TCERG1L: variants seen among roughly 807,000 people sequenced by gnomAD.
The protein encoded by TCERG1L is transcription elongation regulator 1-like protein.
TCERG1L carries 37 observed loss-of-function variants against 56.3 expected under a neutral mutation model. The ratio of observed to expected loss-of-function variants is 0.66; its 90% confidence interval spans 0.51 to 0.87. The LOEUF (loss-of-function observed/expected upper bound fraction) is 0.87, where lower values mean the gene tolerates loss of function less well. TCERG1L is among the 40% of genes least tolerant of loss of function. TCERG1L has a pLI of 0.00. For synonymous variants in TCERG1L, 324 were observed against 326.3 expected, an observed-to-expected ratio of 0.99 and a Z score of 0.08; for missense variants, 799 against 774.2, an observed-to-expected ratio of 1.03 and a Z score of -0.38.
chr10:131,289,149 T>TA (rs1245630907), intron 3 of TCERG1L, among the ~76,000 whole-genome samples: 13 of 151,966 alleles, frequency 8.6e-5, no homozygotes, highest in Admixed American at 8.5e-4. Flanking sequence ...TCTTGATTTT[T>TA]TTTTTTTTTA....
intron 5 of TCERG1L, among the ~76,000 whole-genome samples, chr10:131,166,204 G>C (rs1233353511): frequency 6.6e-6 from 1 of 152,224 alleles, no homozygotes; most frequent in East Asian, 1.9e-4. Flanking sequence ...CCTTGGAAAG[G>C]TGAAGTAAGA....
intron 11 of TCERG1L, among the ~76,000 whole-genome samples, chr10:131,093,568 C>CG (rs1158911124): frequency 6.6e-6 from 1 of 152,120 alleles, no homozygotes; most frequent in Admixed American, 6.5e-5. Flanking sequence ...CGGAAATGAG[C>CG]GGCCCCCACC....
chr10:131,133,971 C>T (rs574814689), intron 8 of TCERG1L, among the ~76,000 whole-genome samples: 3 of 152,284 alleles, frequency 2.0e-5, no homozygotes, highest in Admixed American at 1.3e-4. Flanking sequence ...TGACTTTGCC[C>T]AAAGTCATCC....
rs1029336200 is a variant in TCERG1L at position 131,112,420 on chromosome 10, C to T, written c.1395+4379G>A. ...GTCCCCCAGGCCCCCACTGTGCCTC[C>T]CACAAGCCCTAATGATGATGCCAGC... On this transcript the variant is annotated intron_variant, in intron 9 of 11. Transcript: ENST00000368642. Among the ~76,000 whole-genome samples, 3 of 142,590 alleles carry T rather than the reference C, an allele frequency of 2.1e-5. 1 individual carries two copies. Among genetic ancestry groups the T allele is most frequent in the African/African-American group, 4.9e-5 (2 of 40,464 alleles). 93.5% of individuals were successfully genotyped at this position (142,590 alleles called of 152,430 possible). A position where few individuals can be genotyped will look rare whatever the true frequency, so the allele number is the denominator to read the frequency against.
chr10:131,134,855 C>T (rs1274650168), intron 7 of TCERG1L, among the ~76,000 whole-genome samples: 2 of 152,158 alleles, frequency 1.3e-5, no homozygotes, highest in African/African-American at 4.8e-5. Context: ...AGGGTGGCCC[C>T]CAGCAGCACC....
intron 3 of TCERG1L, among the ~76,000 whole-genome samples, chr10:131,289,454 C>T (rs1012077513): frequency 3.4e-4 from 52 of 151,794 alleles, no homozygotes; most frequent in Non-Finnish European, 6.8e-4. Context: ...TACACTGCCT[C>T]CATCTCTTAT....
chr10:131,177,147 C>T (rs57512732), intron 4 of TCERG1L, among the ~76,000 whole-genome samples: 16,255 of 145,616 alleles, frequency 0.11, 1,615 homozygotes, highest in African/African-American at 0.27. Flanking sequence ...CACACAGACA[C>T]GTGTACACAC....
Position 131,260,262 on chromosome 10 carries a change from A to T in TCERG1L, c.853T>A (p.Ser285Thr). ...IKIPLRTSPV[S>T]DTRTERGRVA... ...CGGGACGGCGCTCCGAGCCTACCTG[A>T]GACGGGGGACGTCCGGAGGGGTATT... is the stretch of plus-strand genomic sequence containing the variant. Residue 285 changes from serine (S) to threonine (T), a missense_variant, in exon 4 of 12, where the codon TCA becomes ACA. By Grantham distance (58) the Ser-to-Thr change is moderately conservative. Transcript: ENST00000368642. This position sits in a 1 kb window ranked among gnomAD's most constrained non-coding sequence, Gnocchi z 5.8. 1 of 1,362,714 alleles carries T rather than the reference A, an allele frequency of 7.3e-7. No homozygotes were observed. The highest frequency in any genetic ancestry group is 2.3e-5 in the South Asian group (1 of 44,264). The allele number at this position is 1,362,714 out of a possible 1,614,324, so 84.4% of individuals were successfully genotyped here. A position where few individuals can be genotyped will look rare whatever the true frequency, so the allele number is the denominator to read the frequency against.
intron 6 of TCERG1L, among the ~76,000 whole-genome samples, chr10:131,150,217 G>A (rs1174582626): frequency 9.3e-5 from 1 of 10,716 alleles, no homozygotes; most frequent in Non-Finnish European, 9.4e-4. Context: ...TGAGCACCAT[G>A]TTTCTGGCAG....
At chr10:131,159,834 C>T (rs977526557) in intron 6 of TCERG1L, among the ~76,000 whole-genome samples, 14 of 152,226 alleles carry the variant, frequency 9.2e-5, no homozygotes, top group South Asian at 2.1e-4. Flanking sequence ...ACAGAGCACG[C>T]GGCCACAGGA....
chr10:131,257,066 G>GA (rs548470566), intron 4 of TCERG1L, among the ~76,000 whole-genome samples: 20 of 143,820 alleles, frequency 1.4e-4, no homozygotes, highest in South Asian at 2.2e-4. Context: ...AAGAAAGAAA[G>GA]AAAAAAAAAA....
chr10:131,149,219 C>T (rs1369426282), intron 6 of TCERG1L, among the ~76,000 whole-genome samples: 2 of 152,272 alleles, frequency 1.3e-5, no homozygotes, highest in Non-Finnish European at 2.9e-5. Flanking sequence ...ATGCCAGGTC[C>T]TGCCCTCAGG....
intron 9 of TCERG1L, among the ~76,000 whole-genome samples, chr10:131,113,537 C>T (rs1845429196): frequency 7.0e-6 from 1 of 142,430 alleles, no homozygotes; most frequent in Admixed American, 6.9e-5. Flanking sequence ...CCCACAGCCT[C>T]GCTGTCAACA....
At chr10:131,259,665 G>A (rs919886441) in intron 4 of TCERG1L, among the ~76,000 whole-genome samples, 13 of 152,126 alleles carry the variant, frequency 8.5e-5, no homozygotes, top group Non-Finnish European at 1.3e-4. Context: ...GCCACCCTCC[G>A]GGCCCCTGCC....
intron 3 of TCERG1L, among the ~76,000 whole-genome samples, chr10:131,279,493 C>CA (rs1042932499): frequency 1.8e-4 from 27 of 152,058 alleles, no homozygotes; most frequent in African/African-American, 6.0e-4. Flanking sequence ...CAGCAGGGGC[C>CA]AAAAAAATCT....
In TCERG1L at chr10:131,134,368, C is replaced by T. The variant is rs184742056; in HGVS notation, c.1259+11G>A. 9.3e-5 allele frequency: 146 copies of T among 1,578,240 alleles called. 2 individuals are homozygous for T. The highest frequency in any genetic ancestry group is 8.6e-4 in the South Asian group (74 of 85,810). On this transcript the variant is annotated intron_variant, in intron 8 of 11. Transcript: ENST00000368642. ...GGGAAAGATCTGCTGGGGAAGAGCA[C>T]GGCCACCTACCGGTTCCTCTTGGTT... is the stretch of plus-strand genomic sequence containing the variant.
chr10:131,151,695 C>A (rs1002967628), intron 6 of TCERG1L, among the ~76,000 whole-genome samples: 1 of 152,160 alleles, frequency 6.6e-6, no homozygotes, highest in Non-Finnish European at 1.5e-5. Flanking sequence ...AGGCAGTGCC[C>A]CAGTAGAGAC....
intron 1 of TCERG1L, among the ~76,000 whole-genome samples, chr10:131,309,832 G>A (rs1457236300): frequency 7.1e-5 from 3 of 42,526 alleles, no homozygotes; most frequent in African/African-American, 1.6e-4. Context: ...TAGATTCTAT[G>A]GCAAAAAAAA....
At chr10:131,252,102 A>T (rs1041712739) in intron 4 of TCERG1L, among the ~76,000 whole-genome samples, 1 of 152,188 alleles carries the variant, frequency 6.6e-6, no homozygotes, top group Admixed American at 6.5e-5. Context: ...AGCTTTTTTA[A>T]GGCTGAATAA....
Sources: allele counts gnomAD v4.1 joint callset (sites outside exome capture counted in the v4.1 genomes callset), GRCh38; gene constraint gnomAD v4.1.1; non-coding constraint Gnocchi (gnomAD v3.1); transcripts MANE v1.5; gene names NCBI Gene and HGNC (gene_info 2026-07-23, HGNC 2026-07-21).